Variants in TTC28 observed in about 807,000 individuals in gnomAD.
TTC28 encodes the protein tetratricopeptide repeat domain 28, also known as tetratricopeptide repeat protein 28.
Under a neutral mutation model 198.0 loss-of-function variants are expected in TTC28, and 61 were observed. The observed-to-expected ratio is 0.31, with a 90% CI of 0.25 to 0.38. The LOEUF (loss-of-function observed/expected upper bound fraction) is 0.38, where lower values mean the gene tolerates loss of function less well. TTC28 is among the 10% of genes least tolerant of loss of function. The probability of loss-of-function intolerance (pLI) is 1.00; values close to 1 mark genes in which losing one functional copy is unlikely to be tolerated. For synonymous variants in TTC28, 1,171 were observed against 1,297.8 expected, an observed-to-expected ratio of 0.90 and a Z score of 2.10; for missense variants, 2,678 against 3,164.0, an observed-to-expected ratio of 0.85 and a Z score of 3.69.
At chr22:28,370,404 T>C (rs1041713716) in intron 2 of TTC28, among the ~76,000 whole-genome samples, 2 of 152,336 alleles carry the variant, frequency 1.3e-5, no homozygotes, top group South Asian at 4.1e-4. Context: ...AGCACCTTCA[T>C]TATATTCTCC....
At chr22:28,335,072 T>C (rs1413462806) in intron 2 of TTC28, among the ~76,000 whole-genome samples, 2 of 152,202 alleles carry the variant, frequency 1.3e-5, no homozygotes, top group African/African-American at 4.8e-5. Context: ...TTTCTACATA[T>C]GGCTAGCCAG....
At chr22:28,559,381 T>G (rs1277135054) in intron 2 of TTC28, among the ~76,000 whole-genome samples, 1 of 152,228 alleles carries the variant, frequency 6.6e-6, no homozygotes, top group Non-Finnish European at 1.5e-5. Context: ...TTTTATTTAC[T>G]CATTCGAGTA....
intron 2 of TTC28, among the ~76,000 whole-genome samples, chr22:28,470,359 A>G (rs1231940463): frequency 6.6e-6 from 1 of 152,208 alleles, no homozygotes; most frequent in East Asian, 1.9e-4. Flanking sequence ...ATGAGATACC[A>G]GTGTTTCATG....
chr22:28,382,167 C>T (rs1025345582), intron 2 of TTC28, among the ~76,000 whole-genome samples: 2 of 152,086 alleles, frequency 1.3e-5, no homozygotes, highest in African/African-American at 2.4e-5. Context: ...TTGGTAAGAT[C>T]CAAGCTGTCA....
chr22:28,207,810 A>G (rs1672108904), intron 5 of TTC28, among the ~76,000 whole-genome samples: 1 of 152,060 alleles, frequency 6.6e-6, no homozygotes, highest in African/African-American at 2.4e-5. Flanking sequence ...CATGTTTATA[A>G]ACATGTACTT....
chr22:28,466,175 C>T (rs1243315774), intron 2 of TTC28, among the ~76,000 whole-genome samples: 1 of 152,106 alleles, frequency 6.6e-6, no homozygotes, highest in Non-Finnish European at 1.5e-5. Flanking sequence ...GTTTCTGAGC[C>T]CCAGGACTTA....
chr22:28,107,367 CT>C lies in TTC28; in HGVS notation c.2477del (p.Lys826SerfsTer2). ...CYEEQLDLGQ[K>X]LKDPSLEAQV... ...GGGCTTCCAGACTCGGATCCTTCAG[CT>C]TTTGCCCTAGATCCAGTTGCTCTTC... is the stretch of plus-strand genomic sequence containing the variant. On this transcript the variant is annotated frameshift_variant, in exon 7 of 23. Transcript: ENST00000397906. LOFTEE classifies it high-confidence loss of function. 6.4e-7 allele frequency: 1 copy of C among 1,551,928 alleles called. No individual in the cohort carries two copies. Among genetic ancestry groups the C allele is most frequent in the Non-Finnish European group, 8.7e-7 (1 of 1,147,058 alleles).
chr22:28,164,907 G>A (rs1330095568), intron 5 of TTC28, among the ~76,000 whole-genome samples: 2 of 152,038 alleles, frequency 1.3e-5, no homozygotes, highest in Non-Finnish European at 2.9e-5. Context: ...TCGAACCCAT[G>A]GCAAAGAAGT....
At chr22:28,271,528 G>A (rs888551232) in intron 5 of TTC28, among the ~76,000 whole-genome samples, 1 of 152,162 alleles carries the variant, frequency 6.6e-6, no homozygotes, top group African/African-American at 2.4e-5. Flanking sequence ...TGTTGTGGGA[G>A]GGACCCAGTG....
At chr22:28,394,527 T>G (rs879236738) in intron 2 of TTC28, among the ~76,000 whole-genome samples, 1 of 152,200 alleles carries the variant, frequency 6.6e-6, no homozygotes, top group Non-Finnish European at 1.5e-5. Flanking sequence ...AATCACTACT[T>G]AAACAGCTTC....
At chr22:28,618,135 C>T (rs149918427) in intron 2 of TTC28, among the ~76,000 whole-genome samples, 20 of 151,870 alleles carry the variant, frequency 1.3e-4, no homozygotes, top group African/African-American at 4.8e-4. Context: ...ATTAGCCAGG[C>T]GTGGTGGTGG....
At position 27,992,007 on chromosome 22, in the gene TTC28, C is replaced by T. The variant is rs972501996; in HGVS notation, c.5553+580G>A. ...AAGCGTGGGAACACCTGCAGCCATC[C>T]TGGTGGGCTGGCCCCACACCTGGTG... On this transcript the variant is annotated intron_variant, in intron 19 of 22. Coordinates refer to ENST00000397906, the MANE Select transcript of TTC28 (RefSeq NM_001145418.2). 9.9e-5 allele frequency among the ~76,000 whole-genome samples: 15 copies of T among 151,678 alleles called. No individual in the cohort carries two copies. In the Middle Eastern group the frequency reaches 0.01, roughly 103 times the overall value.
chr22:28,220,455 TC>T (rs2147201540), intron 5 of TTC28, among the ~76,000 whole-genome samples: 1 of 152,322 alleles, frequency 6.6e-6, no homozygotes, highest in Admixed American at 6.5e-5. Context: ...AGGATCTGCT[TC>T]CCTGCTTGTG....
chr22:28,523,012 T>C (rs894165240), intron 2 of TTC28, among the ~76,000 whole-genome samples: 2 of 152,210 alleles, frequency 1.3e-5, no homozygotes, highest in Admixed American at 6.5e-5. Context: ...CTGAAGTATG[T>C]ACTTTATAAG....
intron 2 of TTC28, among the ~76,000 whole-genome samples, chr22:28,407,563 G>GAGTCA (rs2047017632): frequency 1.3e-5 from 2 of 152,184 alleles, no homozygotes; most frequent in Admixed American, 1.3e-4. Context: ...ATACAGCTGA[G>GAGTCA]AGTCAAAGTA....
chr22:28,435,083 A>AT (rs2047498375), intron 2 of TTC28, among the ~76,000 whole-genome samples: 2 of 152,364 alleles, frequency 1.3e-5, no homozygotes, highest in Admixed American at 1.3e-4. Flanking sequence ...AAAAGCTTAT[A>AT]TGCAGCTTTG....
Position 28,037,992 on chromosome 22 carries a change from G to C in TTC28, c.3933-7626C>G, listed in dbSNP as rs7410718. Among the ~76,000 whole-genome samples, 483 of 152,156 alleles carry C rather than the reference G, an allele frequency of 3.2e-3. 1 individual carries two copies. The highest frequency in any genetic ancestry group is 5.5e-3 in the Non-Finnish European group (375 of 67,982). ...TGAAGGACCTCTTCAAGGAGAACTA[G>C]AAACCACTGCTCAATGAAATAAAAG... On this transcript the variant is annotated intron_variant, in intron 12 of 22. Transcript: ENST00000397906.
chr22:28,656,759 G>A (rs531241148), intron 1 of TTC28, among the ~76,000 whole-genome samples: 10 of 152,230 alleles, frequency 6.6e-5, no homozygotes, highest in African/African-American at 2.4e-4. Context: ...CCACCGGCCT[G>A]TCGTGGCGTG....
intron 6 of TTC28, among the ~76,000 whole-genome samples, chr22:28,108,659 A>G (rs554201175): frequency 2.0e-5 from 3 of 152,248 alleles, no homozygotes; most frequent in Non-Finnish European, 2.9e-5. Context: ...CATATCTAAA[A>G]TTAAAAGGCA....
Sources: gnomAD v4.1 joint callset for allele counts (sites outside exome capture counted in the v4.1 genomes callset) on GRCh38, gnomAD v4.1.1 for gene constraint, MANE v1.5 for transcripts, NCBI Gene and HGNC (gene_info 2026-07-23, HGNC 2026-07-21) for gene names.